ATXN1: variants seen among roughly 807,000 people sequenced by gnomAD.
The protein encoded by ATXN1 is ataxin 1, also known as ataxin-1.
Under a neutral mutation model 56.4 loss-of-function variants are expected in ATXN1, and 8 were observed. The observed-to-expected ratio is 0.14, with a 90% CI of 0.08 to 0.26. ATXN1 has a LOEUF of 0.26. Among genes scored for constraint, ATXN1 ranks in the 10% least tolerant of loss-of-function variants. The pLI is 1.00. For synonymous variants in ATXN1, 514 were observed against 494.6 expected (o/e 1.04, Z -0.52); for missense variants, 987 against 1,106.5 (o/e 0.89, Z 1.53).
chr6:16,689,460 G>C (rs1263061473), intron 2 of ATXN1, among the ~76,000 whole-genome samples: 1 of 150,432 alleles, frequency 6.6e-6, no homozygotes, highest in Non-Finnish European at 1.5e-5. Context: ...CTACAGGCAA[G>C]AGCCACCACA....
chr6:16,550,219 C>G (rs1761896160), intron 4 of ATXN1, among the ~76,000 whole-genome samples: 1 of 150,996 alleles, frequency 6.6e-6, no homozygotes, highest in African/African-American at 2.4e-5. Context: ...CAAGTGGTCA[C>G]TGGTTTTACA....
chr6:16,386,627 C>G (rs956124755), intron 6 of ATXN1, among the ~76,000 whole-genome samples: 6 of 152,056 alleles, frequency 3.9e-5, no homozygotes, highest in Non-Finnish European at 8.8e-5. Flanking sequence ...ACAAGGCCAC[C>G]AGGGCTGGGT....
At position 16,465,156 on chromosome 6, in the gene ATXN1, T is replaced by G. The variant is rs375729672; in HGVS notation, c.-161+20816A>C. Among the ~76,000 whole-genome samples, 10 of 152,258 alleles carry G rather than the reference T, an allele frequency of 6.6e-5. No homozygotes were observed. In the East Asian group the frequency reaches 1.7e-3, roughly 26 times the overall value. ...CTTCCAGATACTAGCTAGAGCCAAG[T>G]GGAATTAATCAGGCAAGGTGCAACG... is the stretch of plus-strand genomic sequence containing the variant. On this transcript the variant is annotated intron_variant, in intron 6 of 7. Transcript: ENST00000436367.
At chr6:16,687,365 T>C (rs1361367992) in intron 2 of ATXN1, among the ~76,000 whole-genome samples, 1 of 152,032 alleles carries the variant, frequency 6.6e-6, no homozygotes, top group East Asian at 1.9e-4. Context: ...CACCTAAACT[T>C]AAACTCTGAA....
intron 6 of ATXN1, among the ~76,000 whole-genome samples, chr6:16,353,382 C>CA (rs1761612688): frequency 6.6e-6 from 1 of 152,066 alleles, no homozygotes; most frequent in African/African-American, 2.4e-5. Context: ...TCTTAACAAG[C>CA]AATTACAGGA....
At chr6:16,616,592 TA>T (rs1413009745) in intron 3 of ATXN1, among the ~76,000 whole-genome samples, 2 of 145,548 alleles carry the variant, frequency 1.4e-5, no homozygotes, top group Non-Finnish European at 3.0e-5. Context: ...TTTTATAATA[TA>T]TTATATACTA....
intron 4 of ATXN1, among the ~76,000 whole-genome samples, chr6:16,530,904 T>G (rs1292915259): frequency 6.6e-6 from 1 of 152,226 alleles, no homozygotes; most frequent in Non-Finnish European, 1.5e-5. Context: ...TTATACATAA[T>G]TTTTTAAGTC....
intron 2 of ATXN1, among the ~76,000 whole-genome samples, chr6:16,736,690 T>G (rs1321004750): frequency 1.3e-5 from 2 of 152,240 alleles, no homozygotes; most frequent in African/African-American, 4.8e-5. Context: ...GTGAATTTGA[T>G]GCATATTCCA....
At chr6:16,566,201 G>A (rs9477168) in intron 4 of ATXN1, among the ~76,000 whole-genome samples, 3,046 of 152,078 alleles carry the variant, frequency 0.02, 92 homozygotes, top group African/African-American at 0.069. Context: ...ACATAAATCC[G>A]TGACACTTAA....
intron 6 of ATXN1, among the ~76,000 whole-genome samples, chr6:16,435,973 C>T (rs1287750724): frequency 6.6e-6 from 1 of 152,104 alleles, no homozygotes. Flanking sequence ...TCTTGGCTCA[C>T]TGCAATCTCC....
rs1758773635 is a variant in ATXN1 at position 16,410,447 on chromosome 6, C to T, written c.-161+75525G>A. On this transcript the variant is annotated intron_variant, in intron 6 of 7. Coordinates refer to ENST00000436367, the MANE Select transcript of ATXN1 (RefSeq NM_001128164.2). This position sits in a 1 kb window ranked among gnomAD's most constrained non-coding sequence, Gnocchi z 4.6. ...GTACATTTCTTTCCTAATGCTTGCA[C>T]TGGGATTTCTGACGAATACCTCAGA... Among the ~76,000 whole-genome samples, 1 of 152,184 alleles carries T rather than the reference C, an allele frequency of 6.6e-6. No homozygotes were observed. The highest frequency in any genetic ancestry group is 6.5e-5 in the Admixed American group (1 of 15,274).
chr6:16,728,889 C>T (rs1759908261), intron 2 of ATXN1, among the ~76,000 whole-genome samples: 1 of 152,180 alleles, frequency 6.6e-6, no homozygotes, highest in African/African-American at 2.4e-5. Context: ...CCCCGTCACC[C>T]AGCTTCTATT....
At chr6:16,726,137 T>C (rs932362501) in intron 2 of ATXN1, among the ~76,000 whole-genome samples, 3 of 152,110 alleles carry the variant, frequency 2.0e-5, no homozygotes, top group African/African-American at 7.2e-5. Flanking sequence ...TCCCAGCACT[T>C]TGGGAGGCCA....
chr6:16,656,222 T>C (rs1272863848), intron 3 of ATXN1, among the ~76,000 whole-genome samples: 1 of 152,136 alleles, frequency 6.6e-6, no homozygotes, highest in East Asian at 1.9e-4. Context: ...TCCACACTGG[T>C]TGATACAATG....
At chr6:16,753,203 G>A (rs1349725509) in intron 2 of ATXN1, 30 bp downstream of exon 2, 1 of 456,210 alleles carries the variant, frequency 2.2e-6, no homozygotes, top group Non-Finnish European at 4.4e-6. Context: ...ATCCTCAGAT[G>A]GAAAACAGAG....
At chr6:16,406,318 T>C (rs536512733) in intron 6 of ATXN1, among the ~76,000 whole-genome samples, 1 of 152,332 alleles carries the variant, frequency 6.6e-6, no homozygotes, top group South Asian at 2.1e-4. Flanking sequence ...AAATAAAACT[T>C]TAAATAAAGC....
intron 3 of ATXN1, among the ~76,000 whole-genome samples, chr6:16,590,774 G>C (rs761517865): frequency 1.3e-4 from 19 of 151,594 alleles, no homozygotes; most frequent in Non-Finnish European, 1.0e-4. Flanking sequence ...GGCTCAGGTG[G>C]TCCTCTCACC....
At chr6:16,442,432 TAGCC>T in intron 6 of ATXN1, among the ~76,000 whole-genome samples, 1 of 152,038 alleles carries the variant, frequency 6.6e-6, no homozygotes, top group East Asian at 1.9e-4. Flanking sequence ...ATATTACATA[TAGCC>T]AGAACGATAT....
At chr6:16,521,419 A>G (rs1179645952) in intron 5 of ATXN1, among the ~76,000 whole-genome samples, 1 of 152,182 alleles carries the variant, frequency 6.6e-6, no homozygotes, top group Non-Finnish European at 1.5e-5. Context: ...TTAGCCAGGC[A>G]TGGTGGCAGG....
Sources: allele counts gnomAD v4.1 joint callset (sites outside exome capture counted in the v4.1 genomes callset), GRCh38; gene constraint gnomAD v4.1.1; non-coding constraint Gnocchi (gnomAD v3.1); transcripts MANE v1.5; gene names NCBI Gene and HGNC (gene_info 2026-07-23, HGNC 2026-07-21).